The following NUDCD3 variants were observed in gnomAD, a reference collection of about 807,000 sequenced individuals.
The protein encoded by NUDCD3 is NudC domain containing 3.
A neutral mutation model predicts 39.7 loss-of-function variants in NUDCD3; 13 were observed. The ratio of observed to expected loss-of-function variants is 0.33; its 90% CI spans 0.21 to 0.52. NUDCD3 has a LOEUF of 0.52. NUDCD3 is among the 20% of genes least tolerant of loss of function. The pLI, the probability that NUDCD3 is intolerant of heterozygous loss-of-function variation, is 0.96. For missense variants in NUDCD3, 453 were observed against 458.1 expected (o/e 0.99, Z 0.10); for synonymous variants, 175 against 172.4 (o/e 1.02, Z -0.12).
At chr7:44,470,021 CA>C (rs1226408456) in intron 2 of NUDCD3, among the ~76,000 whole-genome samples, 1 of 152,164 alleles carries the variant, frequency 6.6e-6, no homozygotes, top group East Asian at 1.9e-4. Flanking sequence ...AGAATTTAAA[CA>C]AGGTCTACAG....
At chr7:44,430,570 T>TCACACACACA (rs58853542) in intron 2 of NUDCD3, among the ~76,000 whole-genome samples, 2 of 125,838 alleles carry the variant, frequency 1.6e-5, no homozygotes, top group African/African-American at 6.0e-5. Flanking sequence ...ACACACACAC[T>TCACACACACA]CACACACACA....
At chr7:44,452,025 G>A (rs1032775960) in intron 2 of NUDCD3, among the ~76,000 whole-genome samples, 2 of 152,190 alleles carry the variant, frequency 1.3e-5, no homozygotes, top group African/African-American at 4.8e-5. Context: ...GGGCAAAAAT[G>A]TCCTCCCTGT....
Position 44,389,707 on chromosome 7 carries a change from T to A in NUDCD3, c.975+2590A>T, listed in dbSNP as rs554939670. On this transcript the variant is annotated intron_variant, in intron 5 of 5. Coordinates refer to ENST00000355451, the MANE Select transcript of NUDCD3 (RefSeq NM_015332.4). ...TCTGTGTCTGTCTTCCTCACCGACG[T>A]GCCCCAATAGAGGGGTGAGACTATG... Among the ~76,000 whole-genome samples the A allele has an allele frequency of 5.9e-5, 9 of 152,178 alleles. No homozygotes were observed. In the South Asian group the frequency reaches 1.9e-3, roughly 32 times the overall value.
intron 2 of NUDCD3, among the ~76,000 whole-genome samples, chr7:44,465,800 TC>T (rs1310998975): frequency 6.6e-6 from 1 of 152,120 alleles, no homozygotes; most frequent in Non-Finnish European, 1.5e-5. Flanking sequence ...ACCGTACTTC[TC>T]AAATTGTTTT....
rs35044732 is a variant in NUDCD3 at position 44,421,487 on chromosome 7, C to CAA, written c.642+6082_642+6083dup. ...GAATATTTACCAAGCAAATGGAAAG[C>CAA]AAAAAAAAAAAAAAAAAGCAGGGGT... is the stretch of plus-strand genomic sequence containing the variant. On this transcript the variant is annotated intron_variant, in intron 3 of 5. Transcript: ENST00000355451. Among the ~76,000 whole-genome samples, 811 of 111,380 alleles carry CAA rather than the reference C, an allele frequency of 7.3e-3. 17 individuals carry two copies. The highest frequency in any genetic ancestry group is 0.018 in the African/African-American group (516 of 28,504). The allele number at this position is 111,380 out of a possible 152,430, so 73.1% of individuals were successfully genotyped here.
intron 2 of NUDCD3, among the ~76,000 whole-genome samples, chr7:44,469,223 C>T (rs544245717): frequency 1.2e-3 from 170 of 147,148 alleles, no homozygotes; most frequent in Non-Finnish European, 1.6e-3. Flanking sequence ...GACTTTGAAA[C>T]GACCCATCTG....
chr7:44,467,345 C>T (rs762697127), intron 2 of NUDCD3, among the ~76,000 whole-genome samples: 4 of 152,302 alleles, frequency 2.6e-5, no homozygotes, highest in South Asian at 4.1e-4. Context: ...AACGGCGAAG[C>T]GCCCACTCCA....
intron 3 of NUDCD3, among the ~76,000 whole-genome samples, chr7:44,416,878 A>C (rs1030826230): frequency 6.6e-6 from 1 of 152,188 alleles, no homozygotes; most frequent in East Asian, 1.9e-4. Flanking sequence ...ATGCACACAC[A>C]GCTCTCAGTA....
chr7:44,486,746 C>T (rs905479620), intron 1 of NUDCD3, among the ~76,000 whole-genome samples: 3 of 152,176 alleles, frequency 2.0e-5, no homozygotes, highest in Non-Finnish European at 4.4e-5. Context: ...ACACCTGAGA[C>T]TTCGAACACA....
intron 5 of NUDCD3, among the ~76,000 whole-genome samples, chr7:44,386,995 G>C (rs1798413835): frequency 6.6e-6 from 1 of 151,964 alleles, no homozygotes; most frequent in Non-Finnish European, 1.5e-5. Context: ...GACCACAAGA[G>C]ACAAAAGAGA....
intron 2 of NUDCD3, among the ~76,000 whole-genome samples, chr7:44,452,222 C>T (rs1305662073): frequency 6.6e-6 from 1 of 152,214 alleles, no homozygotes; most frequent in Admixed American, 6.5e-5. Flanking sequence ...GCAGGATGAT[C>T]GCTTGAGCTC....
chr7:44,404,639 T>C (rs1391589837), intron 3 of NUDCD3, 56 bp from the exon 4 acceptor site: 1 of 1,583,936 alleles, frequency 6.3e-7, no homozygotes, highest in African/African-American at 1.3e-5. Context: ...ACTGGTGTGC[T>C]GTACGGTGGG....
Position 44,379,436 on chromosome 7 carries a change from A to G in NUDCD3, c.*6575T>C, listed in dbSNP as rs967336907. 12 of 152,290 alleles carry G rather than the reference A, an allele frequency of 7.9e-5. No homozygotes were observed. The highest frequency in any genetic ancestry group is 2.9e-4 in the African/African-American group (12 of 41,498). The allele number at this position is 152,290 out of a possible 1,614,324, so 9.4% of individuals were successfully genotyped here. ...GTCACAGGAGTCCTAGCTGCTCTGA[A>G]GTCGTGAGTGGGGACAGCAGAGCCT... On this transcript the variant is annotated 3_prime_UTR_variant, in exon 6 of 6. Coordinates refer to ENST00000355451, the MANE Select transcript of NUDCD3 (RefSeq NM_015332.4).
intron 5 of NUDCD3, among the ~76,000 whole-genome samples, chr7:44,388,072 G>A (rs1798431457): frequency 6.6e-6 from 1 of 152,190 alleles, no homozygotes; most frequent in Non-Finnish European, 1.5e-5. Flanking sequence ...AAAGGTTAGT[G>A]ACACCAAAGA....
At chr7:44,469,342 C>T (rs952663401) in intron 2 of NUDCD3, among the ~76,000 whole-genome samples, 2 of 151,798 alleles carry the variant, frequency 1.3e-5, no homozygotes, top group African/African-American at 4.8e-5. Flanking sequence ...TGAGATGTTG[C>T]CCAATTCTAG....
chr7:44,447,900 C>T (rs1460028387), intron 2 of NUDCD3, among the ~76,000 whole-genome samples: 1 of 152,140 alleles, frequency 6.6e-6, no homozygotes, highest in African/African-American at 2.4e-5. Flanking sequence ...CAGAATTGAC[C>T]ACACCCTTGG....
At chr7:44,443,490 T>C (rs778269685) in intron 2 of NUDCD3, among the ~76,000 whole-genome samples, 11 of 151,960 alleles carry the variant, frequency 7.2e-5, no homozygotes, top group Non-Finnish European at 1.5e-4. Flanking sequence ...GGCTCACTGC[T>C]ACCTCCACCT....
At position 44,379,337 on chromosome 7, in the gene NUDCD3, A is replaced by G. The variant is rs1798270343; in HGVS notation, c.*6674T>C. 8.0e-6 allele frequency: 1 copy of G among 124,452 alleles called. No individual in the cohort carries two copies. Among genetic ancestry groups the G allele is most frequent in the Non-Finnish European group, 1.6e-5 (1 of 62,654 alleles). The allele number at this position is 124,452 out of a possible 1,614,324, so 7.7% of individuals were successfully genotyped here. A position where few individuals can be genotyped will look rare whatever the true frequency, so the allele number is the denominator to read the frequency against. ...GACCATATCATGGAAAATTCTGGAG[A>G]GCAGTTATCTTGGGACAGAGATGAG... On this transcript the variant is annotated 3_prime_UTR_variant, in exon 6 of 6. Coordinates refer to ENST00000355451, the MANE Select transcript of NUDCD3 (RefSeq NM_015332.4).
intron 3 of NUDCD3, chr7:44,425,897 C>G (rs1799224932): frequency 6.6e-6 from 1 of 152,426 alleles, no homozygotes; most frequent in Admixed American, 6.5e-5. Flanking sequence ...AACGTCTACT[C>G]ACTTAAACTC....
Sources: allele counts gnomAD v4.1 joint callset (sites outside exome capture counted in the v4.1 genomes callset), GRCh38; gene constraint gnomAD v4.1.1; transcripts MANE v1.5; gene names NCBI Gene and HGNC (gene_info 2026-07-23, HGNC 2026-07-21).